Variants in NR2F1-AS1 observed in about 807,000 individuals in gnomAD.
NR2F1-AS1 encodes NR2F1 antisense RNA 1.
intron 4 of NR2F1-AS1, among the ~76,000 whole-genome samples, chr5:93,482,202 G>C (rs1450895023): frequency 6.6e-6 from 1 of 152,136 alleles, no homozygotes; most frequent in African/African-American, 2.4e-5. Flanking sequence ...AGCTCCCAGT[G>C]AGACTAACAC....
intron 4 of NR2F1-AS1, among the ~76,000 whole-genome samples, chr5:93,481,673 A>T (rs74424943): frequency 0.022 from 3,369 of 152,250 alleles, 111 homozygotes; most frequent in African/African-American, 0.077. Flanking sequence ...CACAATTTTC[A>T]ATCGACTTCA....
chr5:93,565,961 T>C (rs921259804), intron 1 of NR2F1-AS1, among the ~76,000 whole-genome samples: 1 of 151,838 alleles, frequency 6.6e-6, no homozygotes, highest in Non-Finnish European at 1.5e-5. Context: ...TTGAGAGACA[T>C]ACTTAACAAT....
chr5:93,521,438 G>T (rs1435603171), intron 4 of NR2F1-AS1, among the ~76,000 whole-genome samples: 1 of 151,982 alleles, frequency 6.6e-6, no homozygotes, highest in Non-Finnish European at 1.5e-5. Flanking sequence ...CTACAGAATG[G>T]GAGAAAATAT....
intron 4 of NR2F1-AS1, among the ~76,000 whole-genome samples, chr5:93,470,643 T>A (rs1421209261): frequency 6.6e-6 from 1 of 151,848 alleles, no homozygotes; most frequent in African/African-American, 2.4e-5. Context: ...GTCCTGTAAG[T>A]GGATATATCA....
intron 4 of NR2F1-AS1, among the ~76,000 whole-genome samples, chr5:93,505,986 C>T (rs1180161757): frequency 1.3e-5 from 2 of 152,200 alleles, no homozygotes; most frequent in African/African-American, 4.8e-5. Flanking sequence ...CATGAGGCTA[C>T]TGAATCATCA....
At chr5:93,423,639 T>G (rs1285382315) in intron 4 of NR2F1-AS1, among the ~76,000 whole-genome samples, 1 of 152,202 alleles carries the variant, frequency 6.6e-6, no homozygotes, top group Non-Finnish European at 1.5e-5. Flanking sequence ...TCCAAAGTAG[T>G]ACAATTACAA....
At chr5:93,427,810 A>G (rs1580214245) in intron 4 of NR2F1-AS1, among the ~76,000 whole-genome samples, 1 of 152,190 alleles carries the variant, frequency 6.6e-6, no homozygotes, top group East Asian at 1.9e-4. Flanking sequence ...TTAAATTAAA[A>G]TAGTTTCTGA....
At chr5:93,518,991 TCAC>T (rs1473966061) in intron 4 of NR2F1-AS1, among the ~76,000 whole-genome samples, 1 of 152,046 alleles carries the variant, frequency 6.6e-6, no homozygotes, top group Non-Finnish European at 1.5e-5. Flanking sequence ...ACAATAAAAA[TCAC>T]TACACTTAAG....
At chr5:93,575,035 TCCCAGCCCTGACAG>T (rs1191209226) in intron 1 of NR2F1-AS1, among the ~76,000 whole-genome samples, 1 of 152,218 alleles carries the variant, frequency 6.6e-6, no homozygotes, top group Non-Finnish European at 1.5e-5. Context: ...GTCCCCCAAG[TCCCAGCCCTGACAG>T]CCCAGGGTCT....
At chr5:93,501,836 TCAAA>T (rs1377305262) in intron 4 of NR2F1-AS1, among the ~76,000 whole-genome samples, 6 of 152,188 alleles carry the variant, frequency 3.9e-5, no homozygotes, top group African/African-American at 7.2e-5. Flanking sequence ...TAAAATGCTC[TCAAA>T]CAGTGTCATA....
At chr5:93,542,598 T>G (rs1751978658) in intron 4 of NR2F1-AS1, 1 of 152,220 alleles carries the variant, frequency 6.6e-6, no homozygotes, top group Admixed American at 6.5e-5. Context: ...GCAGAATTTT[T>G]TTAAATGCAA....
In NR2F1-AS1 at chr5:93,416,508, T is replaced by G. The variant is rs1748970359; in HGVS notation, n.639-20966A>C. ...GCTTGAATGAATGAAAAGTCTAAAG[T>G]ATGGACAATTATCAAAAAGAGCATA... On this transcript the variant is annotated intron_variant and non_coding_transcript_variant, in intron 4 of 5. Transcript: ENST00000660523. 2.0e-5 allele frequency among the ~76,000 whole-genome samples: 3 copies of G among 152,324 alleles called. No individual in the cohort carries two copies. In the East Asian group the frequency reaches 5.8e-4, roughly 29 times the overall value.
intron 2 of NR2F1-AS1, chr5:93,555,106 T>A (rs1258627250): frequency 6.6e-6 from 1 of 152,186 alleles, no homozygotes; most frequent in Non-Finnish European, 1.5e-5. Context: ...AGCTTTCCAT[T>A]ATCATCCCCC....
At chr5:93,418,971 T>A (rs951476568) in intron 4 of NR2F1-AS1, among the ~76,000 whole-genome samples, 2 of 152,232 alleles carry the variant, frequency 1.3e-5, no homozygotes, top group Non-Finnish European at 2.9e-5. Flanking sequence ...AGTTCCTCAT[T>A]ATTATTAATC....
At chr5:93,507,330 TTTTTGTTTTG>T (rs140764241) in intron 4 of NR2F1-AS1, among the ~76,000 whole-genome samples, 74,214 of 149,814 alleles carry the variant, frequency 0.5, 20,038 homozygotes, top group East Asian at 0.79. Context: ...TTTGGGGTTT[TTTTTGTTTTG>T]TTTTGTTTTG....
chr5:93,416,696 A>T (rs558491514), intron 4 of NR2F1-AS1, among the ~76,000 whole-genome samples: 1 of 152,314 alleles, frequency 6.6e-6, no homozygotes, highest in Admixed American at 6.5e-5. Context: ...TCCTAGGGCC[A>T]CATAGCTACT....
intron 1 of NR2F1-AS1, among the ~76,000 whole-genome samples, chr5:93,568,685 G>A (rs914208636): frequency 2.0e-5 from 3 of 152,012 alleles, no homozygotes; most frequent in Non-Finnish European, 4.4e-5. Flanking sequence ...TCTGAGGTCC[G>A]TGGCCATATG....
chr5:93,524,502 G>C (rs932209584), intron 4 of NR2F1-AS1, among the ~76,000 whole-genome samples: 4 of 152,098 alleles, frequency 2.6e-5, no homozygotes, highest in Admixed American at 6.6e-5. Context: ...AGGAAATACA[G>C]AGAACCTCAC....
Position 93,476,831 on chromosome 5 carries a change from G to GA in NR2F1-AS1, n.638+76929dup, listed in dbSNP as rs963973087. Among the ~76,000 whole-genome samples the GA allele has an allele frequency of 2.7e-3, 401 of 147,266 alleles. 2 individuals are homozygous for GA. The highest frequency in any genetic ancestry group is 9.2e-3 in the African/African-American group (369 of 40,232). ...AACTATAAACCACCTTTTTGAATTG[G>GA]AAAAAAAAAATGGACATTTCTTAAT... On this transcript the variant is annotated intron_variant and non_coding_transcript_variant, in intron 4 of 5. Coordinates refer to ENST00000660523, the Ensembl canonical transcript of NR2F1-AS1.
Sources: allele counts gnomAD v4.1 joint callset (sites outside exome capture counted in the v4.1 genomes callset), GRCh38; gene constraint gnomAD v4.1.1; transcripts MANE v1.5; gene names NCBI Gene and HGNC (gene_info 2026-07-23, HGNC 2026-07-21).